Variants in CBFA2T2 observed in about 807,000 individuals in gnomAD.
CBFA2T2 encodes protein CBFA2T2.
Under a neutral mutation model 62.2 loss-of-function variants are expected in CBFA2T2, and 11 were observed. The observed-to-expected ratio is 0.18, with a 90% CI of 0.11 to 0.29. CBFA2T2 has a LOEUF of 0.29. Ranked by LOEUF, CBFA2T2 falls within the 10% of genes least tolerant of loss-of-function variation. The pLI is 1.00. For synonymous variants in CBFA2T2, 295 were observed against 287.5 expected (o/e 1.03, Z -0.27); for missense variants, 592 against 774.1 (o/e 0.76, Z 2.79).
At chr20:33,526,656 G>A (rs2011895659) in intron 1 of CBFA2T2, among the ~76,000 whole-genome samples, 1 of 151,946 alleles carries the variant, frequency 6.6e-6, no homozygotes, top group Non-Finnish European at 1.5e-5. Flanking sequence ...AATTCAGTAT[G>A]ATAAGTTAGC....
rs191006302 is a variant in CBFA2T2 at position 33,552,889 on chromosome 20, A to C, written c.35-54067A>C. Among the ~76,000 whole-genome samples, 8 of 152,178 alleles carry C rather than the reference A, an allele frequency of 5.3e-5. No individual in the cohort carries two copies. In the East Asian group the frequency reaches 1.5e-3, roughly 29 times the overall value. On this transcript the variant is annotated intron_variant, in intron 1 of 10. Coordinates refer to ENST00000342704, the MANE Select transcript of CBFA2T2 (RefSeq NM_001032999.3). ...CCCTCTGCCTGAAATACTTCTGAATATTCTTCATCTCCACCCCATCCCCCT... is the reference window on the plus strand; with the variant it reads ...CCCTCTGCCTGAAATACTTCTGAATCTTCTTCATCTCCACCCCATCCCCCT...
Position 33,640,635 on chromosome 20 carries a change from G to C in CBFA2T2, c.1488+104G>C, listed in dbSNP as rs567730752. 19 of 985,638 alleles carry C rather than the reference G, an allele frequency of 1.9e-5. No homozygotes were observed. In the East Asian group the frequency reaches 4.3e-4, roughly 22 times the overall value. 61.1% of individuals were successfully genotyped at this position (985,638 alleles called of 1,614,324 possible). ...AGGAAGACACAGGCAGTCCACTCTTGAGCTCAATGAGGATAATTTTTATCC... is the reference window on the plus strand; with the variant it reads ...AGGAAGACACAGGCAGTCCACTCTTCAGCTCAATGAGGATAATTTTTATCC... On this transcript the variant is annotated intron_variant, in intron 10 of 10. Transcript: ENST00000342704.
intron 1 of CBFA2T2, among the ~76,000 whole-genome samples, chr20:33,547,231 A>G (rs1207068833): frequency 6.6e-6 from 1 of 151,946 alleles, no homozygotes; most frequent in African/African-American, 2.4e-5. Context: ...ACCGGAAATA[A>G]AAAGTCTGCT....
chr20:33,598,893 C>G (rs557930257), intron 1 of CBFA2T2, among the ~76,000 whole-genome samples: 2 of 152,214 alleles, frequency 1.3e-5, no homozygotes, highest in Non-Finnish European at 2.9e-5. Flanking sequence ...CCTGACTTCC[C>G]GCAGCAGTCT....
intron 1 of CBFA2T2, among the ~76,000 whole-genome samples, chr20:33,493,906 G>A (rs2011168144): frequency 6.6e-6 from 1 of 151,530 alleles, no homozygotes; most frequent in Admixed American, 6.6e-5. Context: ...TTTTTGAGAC[G>A]AAGTTTTGCT....
chr20:33,495,356 A>G (rs972730186), intron 1 of CBFA2T2, among the ~76,000 whole-genome samples: 1 of 147,974 alleles, frequency 6.8e-6, no homozygotes, highest in Non-Finnish European at 1.5e-5. Flanking sequence ...ATTGCACTCC[A>G]GCCTGGGCAA....
Position 33,625,022 on chromosome 20 carries a change from G to A in CBFA2T2, c.946+5G>A. On this transcript the variant is annotated splice_donor_5th_base_variant and intron_variant, in intron 6 of 10. Coordinates refer to ENST00000342704, the MANE Select transcript of CBFA2T2 (RefSeq NM_001032999.3). ...GTGATAGACACCACAGTCTTGGTAA[G>A]CAACCGAAGCAGCATGGTAAATTCA... 1 of 1,607,598 alleles carries A rather than the reference G, an allele frequency of 6.2e-7. No homozygotes were observed. Among genetic ancestry groups the A allele is most frequent in the Non-Finnish European group, 8.5e-7 (1 of 1,174,650 alleles).
At chr20:33,559,467 C>T (rs1271255626) in intron 1 of CBFA2T2, among the ~76,000 whole-genome samples, 1 of 152,048 alleles carries the variant, frequency 6.6e-6, no homozygotes, top group Non-Finnish European at 1.5e-5. Context: ...ATCCACCACT[C>T]CTGGCCCAAT....
intron 1 of CBFA2T2, among the ~76,000 whole-genome samples, chr20:33,521,081 T>C (rs2011718454): frequency 6.6e-6 from 1 of 151,456 alleles, no homozygotes; most frequent in Admixed American, 6.6e-5. Context: ...AGGATTTAAG[T>C]ATAGGTTAAG....
At chr20:33,583,973 A>C (rs561730082) in intron 1 of CBFA2T2, among the ~76,000 whole-genome samples, 5 of 151,912 alleles carry the variant, frequency 3.3e-5, no homozygotes, top group African/African-American at 1.2e-4. Context: ...TTTGAGACAG[A>C]ATCTTGCTTT....
chr20:33,515,563 G>T (rs1259278493), intron 1 of CBFA2T2, among the ~76,000 whole-genome samples: 2 of 151,642 alleles, frequency 1.3e-5, no homozygotes, highest in African/African-American at 4.8e-5. Context: ...CTGTCATCCA[G>T]CGAGGCTGAG....
In CBFA2T2 at chr20:33,619,433, A is replaced by T. The variant is rs1048869381; in HGVS notation, c.421-84A>T. ...AATAAATAAATAAATAAATAACATTAAAAAAAAAAAAAAAGAAGAGTTTGG... is the reference window on the plus strand; with the variant it reads ...AATAAATAAATAAATAAATAACATTTAAAAAAAAAAAAAAGAAGAGTTTGG... On this transcript the variant is annotated intron_variant, in intron 3 of 10. Transcript: ENST00000342704. The T allele has an allele frequency of 2.9e-4, 56 of 191,390 alleles. 1 individual carries two copies. The highest frequency in any genetic ancestry group is 4.5e-4 in the East Asian group (3 of 6,732). 11.9% of individuals were successfully genotyped at this position (191,390 alleles called of 1,614,324 possible). A position where few individuals can be genotyped will look rare whatever the true frequency, so the allele number is the denominator to read the frequency against.
chr20:33,493,223 G>A (rs1374639753), intron 1 of CBFA2T2, among the ~76,000 whole-genome samples: 1 of 151,730 alleles, frequency 6.6e-6, no homozygotes, highest in Non-Finnish European at 1.5e-5. Flanking sequence ...TTACAGGTGC[G>A]TGCCAACACG....
rs1428302024 is a variant in CBFA2T2 at position 33,648,743 on chromosome 20, T to C, written c.*4097T>C. The C allele has an allele frequency of 6.6e-6, 1 of 152,230 alleles. No individual in the cohort carries two copies. Among genetic ancestry groups the C allele is most frequent in the African/African-American group, 2.4e-5 (1 of 41,456 alleles). The allele number at this position is 152,230 out of a possible 1,614,324, so 9.4% of individuals were successfully genotyped here. A position where few individuals can be genotyped will look rare whatever the true frequency, so the allele number is the denominator to read the frequency against. ...ACCTGGCCTTGGCTGCTGCCCGCTC[T>C]CTGCAGCGTGGATTTCCTTTGCCCA... On this transcript the variant is annotated 3_prime_UTR_variant, in exon 11 of 11. Transcript: ENST00000342704.
intron 10 of CBFA2T2, among the ~76,000 whole-genome samples, chr20:33,641,056 G>A (rs1044457198): frequency 4.0e-5 from 6 of 150,788 alleles, no homozygotes; most frequent in African/African-American, 7.3e-5. Flanking sequence ...TTTTTGAGAC[G>A]GAGTCTCTCT....
intron 1 of CBFA2T2, among the ~76,000 whole-genome samples, chr20:33,566,272 A>AT (rs1230497225): frequency 4.6e-5 from 7 of 152,000 alleles, no homozygotes; most frequent in South Asian, 4.2e-4. Context: ...ATGGTAAGGG[A>AT]TTTTTTTTAA....
Position 33,585,622 on chromosome 20 carries a change from A to G in CBFA2T2, c.35-21334A>G, listed in dbSNP as rs148167516. Among the ~76,000 whole-genome samples, 45 of 152,340 alleles carry G rather than the reference A, an allele frequency of 3.0e-4. 1 individual carries two copies. Among genetic ancestry groups the G allele is most frequent in the African/African-American group, 1.1e-3 (44 of 41,580 alleles). ...TTCCAGGAGTGAGGTCACACAGTCA[A>G]ACATTATGAACATTTTTCTAGCAGA... is the stretch of plus-strand genomic sequence containing the variant. On this transcript the variant is annotated intron_variant, in intron 1 of 10. Coordinates refer to ENST00000342704, the MANE Select transcript of CBFA2T2 (RefSeq NM_001032999.3).
chr20:33,574,084 A>G lies in CBFA2T2; in HGVS notation c.35-32872A>G. On this transcript the variant is annotated intron_variant, in intron 1 of 10. Coordinates refer to ENST00000342704, the MANE Select transcript of CBFA2T2 (RefSeq NM_001032999.3). ...GATTACAGGCAAGAGCCACCATACC[A>G]GTTCCTGTCTAGATATTATGATGAA... is the stretch of plus-strand genomic sequence containing the variant. 2.6e-6 allele frequency: 4 copies of G among 1,513,104 alleles called. No homozygotes were observed. In the Admixed American group the frequency reaches 5.5e-5, roughly 21 times the overall value. The allele number at this position is 1,513,104 out of a possible 1,614,324, so 93.7% of individuals were successfully genotyped here.
chr20:33,508,501 G>A (rs765101940), intron 1 of CBFA2T2, among the ~76,000 whole-genome samples: 3 of 152,008 alleles, frequency 2.0e-5, no homozygotes, highest in East Asian at 1.9e-4. Flanking sequence ...TGTCATGGGC[G>A]TTTGTTGTAC....
Sources: gnomAD v4.1 joint callset for allele counts (sites outside exome capture counted in the v4.1 genomes callset) on GRCh38, gnomAD v4.1.1 for gene constraint, MANE v1.5 for transcripts, NCBI Gene and HGNC (gene_info 2026-07-23, HGNC 2026-07-21) for gene names.